The following AKAP19 variants were observed in gnomAD, a reference collection of about 807,000 sequenced individuals.
AKAP19 encodes small A-kinase anchoring protein.
the AKAP19 span, among the ~76,000 whole-genome samples, chr2:190,176,998 A>AT: frequency 4.9e-4 from 74 of 151,042 alleles, no homozygotes; most frequent in African/African-American, 1.2e-3. The surrounding 1 kb of genome is among the most constrained non-coding windows in gnomAD (Gnocchi z 4.7). Context: ...CCACTAAAAG[A>AT]TTTTTTTTTT....
chr2:190,060,471 T>G, the AKAP19 span: 2 of 1,585,276 alleles, frequency 1.3e-6, no homozygotes, highest in Admixed American at 3.5e-5. Context: ...TTGCTGAAAT[T>G]ATTTCCCATT....
chr2:190,052,754 T>G, the AKAP19 span, among the ~76,000 whole-genome samples: 1 of 152,212 alleles, frequency 6.6e-6, no homozygotes, highest in African/African-American at 2.4e-5. Context: ...ATTAAAGGAT[T>G]GAATTAGTGA....
chr2:190,072,298 T>C, the AKAP19 span, among the ~76,000 whole-genome samples: 147 of 152,182 alleles, frequency 9.7e-4, 1 homozygote, highest in Middle Eastern at 3.4e-3. Flanking sequence ...GTTGAAAAAC[T>C]AACTGTAGGG....
chr2:190,124,066 A>G, the AKAP19 span, among the ~76,000 whole-genome samples: 3 of 152,302 alleles, frequency 2.0e-5, 1 homozygote, highest in African/African-American at 4.8e-5. Context: ...TGAGAGTTAT[A>G]TGATCGGCTG....
At chr2:189,983,112 G>C in the AKAP19 span, among the ~76,000 whole-genome samples, 1 of 152,148 alleles carries the variant, frequency 6.6e-6, no homozygotes, top group Non-Finnish European at 1.5e-5. Flanking sequence ...CTTAGGATAA[G>C]GGGTGAGGGT....
At chr2:190,029,777 C>A in the AKAP19 span, among the ~76,000 whole-genome samples, 1 of 151,908 alleles carries the variant, frequency 6.6e-6, no homozygotes, top group Non-Finnish European at 1.5e-5. Flanking sequence ...GTTTGCTGGC[C>A]CCTAGGATAT....
chr2:189,905,668 G>T, the AKAP19 span, among the ~76,000 whole-genome samples: 1 of 151,988 alleles, frequency 6.6e-6, no homozygotes, highest in Admixed American at 6.6e-5. Flanking sequence ...AGGCAGTACT[G>T]CATATGAATT....
chr2:190,178,624 G>A, the AKAP19 span, among the ~76,000 whole-genome samples: 1 of 152,230 alleles, frequency 6.6e-6, no homozygotes, highest in Non-Finnish European at 1.5e-5. This position sits in a 1 kb window ranked among gnomAD's most constrained non-coding sequence, Gnocchi z 6.3. Flanking sequence ...CGAAGGAAGG[G>A]TCAGGCTCCA....
At chr2:190,013,277 T>G in the AKAP19 span, among the ~76,000 whole-genome samples, 1 of 152,276 alleles carries the variant, frequency 6.6e-6, no homozygotes, top group South Asian at 2.1e-4. Flanking sequence ...TATTACTGAT[T>G]CAATCTCTTT....
the AKAP19 span, among the ~76,000 whole-genome samples, chr2:190,002,538 A>G: frequency 6.6e-6 from 1 of 152,238 alleles, no homozygotes; most frequent in Admixed American, 6.5e-5. Context: ...AACTTAAAGT[A>G]TAATAATAAT....
the AKAP19 span, among the ~76,000 whole-genome samples, chr2:189,920,190 T>TA: frequency 3.3e-5 from 5 of 152,196 alleles, no homozygotes; most frequent in African/African-American, 1.2e-4. Flanking sequence ...TACTATAACA[T>TA]AAAAAATATA....
chr2:190,130,822 A>G, the AKAP19 span, among the ~76,000 whole-genome samples: 9 of 152,230 alleles, frequency 5.9e-5, no homozygotes, highest in African/African-American at 2.2e-4. Context: ...GAAAATGTAT[A>G]TAATGGATTT....
chr2:190,199,939 C>T, the AKAP19 span: 11 of 1,613,954 alleles, frequency 6.8e-6, no homozygotes, highest in Admixed American at 1.2e-4. Context: ...GAGTGAAGAA[C>T]CCTTTATGCC....
At chr2:190,066,854 A>G in the AKAP19 span, among the ~76,000 whole-genome samples, 1 of 152,174 alleles carries the variant, frequency 6.6e-6, no homozygotes, top group Non-Finnish European at 1.5e-5. Flanking sequence ...AAATATTTGA[A>G]TGCCTATTTT....
the AKAP19 span, among the ~76,000 whole-genome samples, chr2:190,179,243 AC>A: frequency 2.0e-5 from 3 of 152,034 alleles, no homozygotes; most frequent in African/African-American, 7.2e-5. This position sits in a 1 kb window ranked among gnomAD's most constrained non-coding sequence, Gnocchi z 6.0. Context: ...CCCTGTCTCT[AC>A]TAAAAATACA....
the AKAP19 span, among the ~76,000 whole-genome samples, chr2:189,940,537 T>C: frequency 6.6e-6 from 1 of 152,046 alleles, no homozygotes; most frequent in Non-Finnish European, 1.5e-5. Context: ...GGTTTAAGAA[T>C]TACTGGTGTT....
chr2:189,973,241 CAT>C, the AKAP19 span, among the ~76,000 whole-genome samples: 2 of 152,102 alleles, frequency 1.3e-5, no homozygotes, highest in African/African-American at 4.8e-5. Context: ...TTGAGATAAT[CAT>C]GTGTTTTTTT....
chr2:190,000,206 A>T, the AKAP19 span, among the ~76,000 whole-genome samples: 1 of 152,190 alleles, frequency 6.6e-6, no homozygotes, highest in Non-Finnish European at 1.5e-5. Flanking sequence ...CTGGGAAAAG[A>T]TTGGCTAACT....
chr2:190,062,615 A>G, the AKAP19 span: 1 of 1,606,834 alleles, frequency 6.2e-7, no homozygotes, highest in Non-Finnish European at 8.5e-7. Flanking sequence ...AATCAATATA[A>G]TCTTTTTTCT....
Sources: gnomAD v4.1 joint callset for allele counts (sites outside exome capture counted in the v4.1 genomes callset) on GRCh38, gnomAD v4.1.1 for gene constraint, Gnocchi (gnomAD v3.1) non-coding constraint, MANE v1.5 for transcripts, NCBI Gene and HGNC (gene_info 2026-07-23, HGNC 2026-07-21) for gene names.